SLC24A3: variants seen among roughly 807,000 people sequenced by gnomAD.
The protein encoded by SLC24A3 is solute carrier family 24 member 3, also known as sodium/potassium/calcium exchanger 3.
A neutral mutation model predicts 75.8 loss-of-function variants in SLC24A3; 28 were observed. That is an observed-to-expected ratio of 0.37 (90% confidence interval 0.27 to 0.51). The LOEUF (loss-of-function observed/expected upper bound fraction) is 0.51. SLC24A3 is among the 20% of genes least tolerant of loss of function. SLC24A3 has a pLI of 0.94. For missense variants in SLC24A3, 663 were observed against 847.8 expected (o/e 0.78, Z 2.71); for synonymous variants, 372 against 334.1 (o/e 1.11, Z -1.24).
chr20:19,419,801 C>T (rs888467011), intron 2 of SLC24A3, among the ~76,000 whole-genome samples: 22 of 150,962 alleles, frequency 1.5e-4, no homozygotes, highest in African/African-American at 4.6e-4. Flanking sequence ...TTCCAGGTCT[C>T]GCCATGTCCT....
chr20:19,648,546 G>A (rs1431566471), intron 6 of SLC24A3, among the ~76,000 whole-genome samples: 2 of 151,140 alleles, frequency 1.3e-5, no homozygotes, highest in African/African-American at 4.9e-5. Flanking sequence ...ATCAAGAAAA[G>A]TTATCATAAA....
intron 2 of SLC24A3, among the ~76,000 whole-genome samples, chr20:19,336,495 C>T (rs551751270): frequency 2.6e-5 from 4 of 152,314 alleles, no homozygotes; most frequent in Non-Finnish European, 5.9e-5. Flanking sequence ...AAGCGATTCT[C>T]ATCCCTCAGC....
At chr20:19,712,190 A>G (rs983254544) in intron 15 of SLC24A3, among the ~76,000 whole-genome samples, 4 of 151,736 alleles carry the variant, frequency 2.6e-5, no homozygotes, top group African/African-American at 9.7e-5. Flanking sequence ...GATTCAGGCA[A>G]CCCACCTACA....
intron 2 of SLC24A3, among the ~76,000 whole-genome samples, chr20:19,485,333 C>T (rs894796150): frequency 1.3e-5 from 2 of 152,130 alleles, no homozygotes; most frequent in African/African-American, 2.4e-5. Flanking sequence ...GGCAGCTGGA[C>T]TGATGAGTCC....
At chr20:19,418,492 G>T (rs1986862948) in intron 2 of SLC24A3, among the ~76,000 whole-genome samples, 1 of 152,004 alleles carries the variant, frequency 6.6e-6, no homozygotes, top group Non-Finnish European at 1.5e-5. Flanking sequence ...GGACTGGTCT[G>T]TGCAATCTAA....
chr20:19,383,379 A>C (rs1211321315), intron 2 of SLC24A3, among the ~76,000 whole-genome samples: 2 of 152,092 alleles, frequency 1.3e-5, no homozygotes, highest in Admixed American at 6.5e-5. Flanking sequence ...TATGGAAGTT[A>C]AGTTTTTTTT....
intron 9 of SLC24A3, among the ~76,000 whole-genome samples, chr20:19,677,686 C>CTTTTTTTTTTTTTTTT (rs796484728): frequency 8.8e-6 from 1 of 113,960 alleles, no homozygotes; most frequent in Non-Finnish European, 1.8e-5. Flanking sequence ...TTTTTTTTTT[C>CTTTTTTTTTTTTTTTT]TTTTTTTTTT....
chr20:19,679,636 G>A (rs1305616443), intron 9 of SLC24A3, among the ~76,000 whole-genome samples: 2 of 152,000 alleles, frequency 1.3e-5, no homozygotes, highest in Non-Finnish European at 2.9e-5. Context: ...ATTCTAAAAG[G>A]ACTATTTTCT....
intron 2 of SLC24A3, among the ~76,000 whole-genome samples, chr20:19,393,492 A>T (rs756991931): frequency 5.3e-4 from 80 of 152,352 alleles, no homozygotes; most frequent in Non-Finnish European, 2.1e-4. Context: ...TTACTAATAA[A>T]GAAATTTAGC....
At chr20:19,354,653 A>C (rs910710945) in intron 2 of SLC24A3, among the ~76,000 whole-genome samples, 3 of 150,976 alleles carry the variant, frequency 2.0e-5, no homozygotes, top group Non-Finnish European at 2.9e-5. Context: ...AGCTCATAGA[A>C]TGATGTTCAA....
At chr20:19,577,307 G>A (rs974446142) in intron 3 of SLC24A3, among the ~76,000 whole-genome samples, 3 of 152,034 alleles carry the variant, frequency 2.0e-5, no homozygotes, top group Non-Finnish European at 2.9e-5. Flanking sequence ...TGCCCGCCTC[G>A]GCCTCCCAAA....
intron 2 of SLC24A3, among the ~76,000 whole-genome samples, chr20:19,281,364 G>A (rs1190545169): frequency 6.6e-6 from 1 of 152,196 alleles, no homozygotes; most frequent in Non-Finnish European, 1.5e-5. Context: ...GTGCTGCCAA[G>A]TGAGAAACCA....
At chr20:19,679,501 C>CGGAGAGGGAGACCATGG in intron 9 of SLC24A3, among the ~76,000 whole-genome samples, 1 of 107,216 alleles carries the variant, frequency 9.3e-6, no homozygotes, top group East Asian at 3.0e-4. Context: ...TGGAAAGAGA[C>CGGAGAGGGAGACCATGG]GGAGAGGGAG....
chr20:19,464,040 C>G (rs1450018657), intron 2 of SLC24A3, among the ~76,000 whole-genome samples: 1 of 152,222 alleles, frequency 6.6e-6, no homozygotes, highest in East Asian at 1.9e-4. Context: ...GCACTGCCAC[C>G]TAGGCCATTG....
chr20:19,560,720 T>C (rs768241504), intron 3 of SLC24A3, among the ~76,000 whole-genome samples: 1 of 152,218 alleles, frequency 6.6e-6, no homozygotes, highest in African/African-American at 2.4e-5. Context: ...GCTTTCTTTA[T>C]TGGCTGATGT....
At chr20:19,430,933 G>A (rs1438604908) in intron 2 of SLC24A3, among the ~76,000 whole-genome samples, 2 of 151,972 alleles carry the variant, frequency 1.3e-5, no homozygotes, top group African/African-American at 4.8e-5. Flanking sequence ...TGAAGTTGTT[G>A]ATGACTTTGA....
chr20:19,470,659 C>T (rs1987855457), intron 2 of SLC24A3, among the ~76,000 whole-genome samples: 1 of 152,156 alleles, frequency 6.6e-6, no homozygotes, highest in Non-Finnish European at 1.5e-5. Context: ...ATTAACCATG[C>T]AAAATGCCAG....
At chr20:19,468,877 A>G (rs1051422154) in intron 2 of SLC24A3, among the ~76,000 whole-genome samples, 31 of 152,238 alleles carry the variant, frequency 2.0e-4, no homozygotes, top group Non-Finnish European at 3.7e-4. Context: ...AGGATAGACA[A>G]TGGGATCTTG....
At chr20:19,632,677 T>A (rs1432471409) in intron 6 of SLC24A3, among the ~76,000 whole-genome samples, 1 of 152,208 alleles carries the variant, frequency 6.6e-6, no homozygotes, top group Non-Finnish European at 1.5e-5. Context: ...GCACTGTGTT[T>A]TTATAGGAGA....
Sources: gnomAD v4.1 joint callset for allele counts (sites outside exome capture counted in the v4.1 genomes callset) on GRCh38, gnomAD v4.1.1 for gene constraint, MANE v1.5 for transcripts, NCBI Gene and HGNC (gene_info 2026-07-23, HGNC 2026-07-21) for gene names.